Variants in TOX observed in about 807,000 individuals in gnomAD.
TOX encodes thymocyte selection-associated high mobility group box protein TOX.
A neutral mutation model predicts 53.7 loss-of-function variants in TOX; 11 were observed. That is an observed-to-expected ratio of 0.20 (90% confidence interval 0.13 to 0.34). The LOEUF is 0.34. Ranked by LOEUF, TOX falls within the 10% of genes least tolerant of loss-of-function variation. The pLI, the probability that TOX is intolerant of heterozygous loss-of-function variation, is 1.00. For synonymous variants in TOX, 225 were observed against 245.3 expected, an observed-to-expected ratio of 0.92 and a Z score of 0.77; for missense variants, 570 against 664.6, an observed-to-expected ratio of 0.86 and a Z score of 1.56.
intron 3 of TOX, among the ~76,000 whole-genome samples, chr8:58,894,379 GGT>G (rs1315317070): frequency 3.3e-5 from 5 of 152,170 alleles, no homozygotes; most frequent in African/African-American, 1.2e-4. Flanking sequence ...TGCCATCTAT[GGT>G]TAGTAAGAAG....
chr8:58,815,758 C>T, intron 6 of TOX, 34 bp from the exon 7 acceptor site: 1 of 1,567,134 alleles, frequency 6.4e-7, no homozygotes, highest in Non-Finnish European at 8.6e-7. Flanking sequence ...AGTTGGGAGG[C>T]TGATACATGA....
chr8:58,995,754 T>C (rs1314323895), intron 1 of TOX, among the ~76,000 whole-genome samples: 2 of 152,260 alleles, frequency 1.3e-5, no homozygotes, highest in Non-Finnish European at 2.9e-5. Context: ...TTTTCCATCA[T>C]GAAAAATATA....
At chr8:59,060,446 T>C (rs1803962677) in intron 1 of TOX, among the ~76,000 whole-genome samples, 1 of 152,082 alleles carries the variant, frequency 6.6e-6, no homozygotes, top group Admixed American at 6.6e-5. Context: ...GCCAACACGG[T>C]GAAACCCCGT....
intron 1 of TOX, among the ~76,000 whole-genome samples, chr8:59,028,948 G>C (rs987654887): frequency 1.3e-5 from 2 of 152,022 alleles, no homozygotes; most frequent in Non-Finnish European, 2.9e-5. Context: ...CAAACCTTGA[G>C]GTTCACAAAG....
rs190471935 is a variant in TOX at position 58,821,176 on chromosome 8, G to A, written c.1006-5452C>T. ...TATCTTTATAAAGAAATGCATCTAT[G>A]ATGCAAAATTTTCCTTTTTAATGTC... On this transcript the variant is annotated intron_variant, in intron 6 of 8. Transcript: ENST00000361421. 1.8e-3 allele frequency among the ~76,000 whole-genome samples: 276 copies of A among 152,070 alleles called. 1 individual carries two copies. Among genetic ancestry groups the A allele is most frequent in the Middle Eastern group, 0.01 (3 of 294 alleles).
intron 1 of TOX, among the ~76,000 whole-genome samples, chr8:58,977,143 G>A (rs931120751): frequency 6.6e-6 from 1 of 152,216 alleles, no homozygotes; most frequent in Non-Finnish European, 1.5e-5. Flanking sequence ...GTTGTTTAGT[G>A]TAGCCACCTT....
intron 1 of TOX, among the ~76,000 whole-genome samples, chr8:58,986,671 A>G (rs1813334626): frequency 6.6e-6 from 1 of 152,236 alleles, no homozygotes; most frequent in Non-Finnish European, 1.5e-5. Flanking sequence ...GGATTAGCCA[A>G]GAGATTTATC....
chr8:58,850,251 G>T (rs978223826), intron 4 of TOX, among the ~76,000 whole-genome samples: 11 of 152,276 alleles, frequency 7.2e-5, no homozygotes, highest in African/African-American at 2.2e-4. Flanking sequence ...TTGTGAGGAA[G>T]AAGTTTCCAT....
At chr8:58,837,988 T>G in intron 5 of TOX, 93 bp downstream of exon 5, 1 of 1,183,808 alleles carries the variant, frequency 8.4e-7, no homozygotes, top group Non-Finnish European at 1.2e-6. Context: ...TGTTCTGGGA[T>G]CTAAAGAATT....
intron 1 of TOX, among the ~76,000 whole-genome samples, chr8:59,089,317 C>CTGT (rs1448440649): frequency 6.6e-6 from 1 of 152,110 alleles, no homozygotes; most frequent in Non-Finnish European, 1.5e-5. Context: ...AAGTCACTTC[C>CTGT]TGTTGTATAT....
chr8:58,984,231 C>G (rs942351665), intron 1 of TOX, among the ~76,000 whole-genome samples: 2 of 151,990 alleles, frequency 1.3e-5, no homozygotes, highest in Non-Finnish European at 2.9e-5. Flanking sequence ...GGGCAACCCA[C>G]AGAATAGGAG....
At chr8:58,979,730 T>G (rs1002548089) in intron 1 of TOX, among the ~76,000 whole-genome samples, 1 of 152,188 alleles carries the variant, frequency 6.6e-6, no homozygotes, top group Non-Finnish European at 1.5e-5. Context: ...CAATACAACA[T>G]GGTAGCTAAA....
intron 3 of TOX, among the ~76,000 whole-genome samples, chr8:58,922,674 C>T (rs1330989635): frequency 2.0e-5 from 3 of 152,222 alleles, no homozygotes; most frequent in African/African-American, 7.2e-5. Context: ...CACCACCTCT[C>T]ACGGTGCTTC....
intron 3 of TOX, among the ~76,000 whole-genome samples, chr8:58,915,055 C>G (rs1811985526): frequency 1.3e-5 from 2 of 148,780 alleles, no homozygotes; most frequent in African/African-American, 2.5e-5. Context: ...GGTCCTACGC[C>G]CACGGAATCT....
chr8:58,805,956 A>C lies in TOX; in HGVS notation c.*1791T>G, dbSNP rs1277345689. The C allele has an allele frequency of 1.3e-5, 2 of 152,666 alleles. No individual in the cohort carries two copies. Among genetic ancestry groups the C allele is most frequent in the African/African-American group, 4.8e-5 (2 of 41,468 alleles). 9.5% of individuals were successfully genotyped at this position (152,666 alleles called of 1,614,324 possible). ...TTACACAATGCATATATTTGTATTT[A>C]GTTAAACTGCTAAATTTATTTCACA... On this transcript the variant is annotated 3_prime_UTR_variant, in exon 9 of 9. Transcript: ENST00000361421.
At chr8:58,878,274 A>T (rs537742475) in intron 3 of TOX, among the ~76,000 whole-genome samples, 11 of 152,304 alleles carry the variant, frequency 7.2e-5, no homozygotes, top group South Asian at 2.1e-4. Flanking sequence ...ACATCAAAAG[A>T]ACAGGGAGTA....
intron 1 of TOX, among the ~76,000 whole-genome samples, chr8:59,049,911 T>C (rs1167813272): frequency 1.3e-5 from 2 of 152,154 alleles, no homozygotes; most frequent in Non-Finnish European, 2.9e-5. Flanking sequence ...GGCGGGGGTT[T>C]CTATACTAAG....
At chr8:58,827,901 T>G (rs1298782679) in intron 5 of TOX, among the ~76,000 whole-genome samples, 1 of 152,198 alleles carries the variant, frequency 6.6e-6, no homozygotes, top group East Asian at 1.9e-4. Context: ...GATCAAAATA[T>G]TTTTCATCCT....
intron 2 of TOX, among the ~76,000 whole-genome samples, chr8:58,957,685 C>T (rs576163262): frequency 6.6e-6 from 1 of 152,164 alleles, no homozygotes; most frequent in African/African-American, 2.4e-5. Flanking sequence ...TCTATAAGTC[C>T]CAAAGCATGT....
Sources: allele counts gnomAD v4.1 joint callset (sites outside exome capture counted in the v4.1 genomes callset), GRCh38; gene constraint gnomAD v4.1.1; transcripts MANE v1.5; gene names NCBI Gene and HGNC (gene_info 2026-07-23, HGNC 2026-07-21).